The following PPP2R2B variants were observed in gnomAD, a reference collection of about 807,000 sequenced individuals.
The protein encoded by PPP2R2B is serine/threonine-protein phosphatase 2A 55 kDa regulatory subunit B beta isoform.
In PPP2R2B, 5 loss-of-function variants were observed where a neutral mutation model predicts 46.0. That is an observed-to-expected ratio of 0.11 (90% CI 0.06 to 0.23). PPP2R2B has a LOEUF of 0.23. Among genes scored for constraint, PPP2R2B ranks in the 10% least tolerant of loss-of-function variants. The probability of loss-of-function intolerance (pLI) is 1.00; values close to 1 mark genes in which losing one functional copy is unlikely to be tolerated. For missense variants in PPP2R2B, 367 were observed against 575.0 expected, an observed-to-expected ratio of 0.64 and a Z score of 3.70; for synonymous variants, 215 against 206.7, an observed-to-expected ratio of 1.04 and a Z score of -0.34.
chr5:146,748,056 C>T (rs1248763730), intron 2 of PPP2R2B, among the ~76,000 whole-genome samples: 1 of 152,170 alleles, frequency 6.6e-6, no homozygotes, highest in Non-Finnish European at 1.5e-5. Flanking sequence ...GAGCTCTTGG[C>T]CAAACATAGG....
At chr5:146,893,269 T>C (rs936729790) in intron 1 of PPP2R2B, among the ~76,000 whole-genome samples, 5 of 152,236 alleles carry the variant, frequency 3.3e-5, no homozygotes, top group Non-Finnish European at 7.3e-5. Context: ...CATTAATGAA[T>C]GCTTTCTTTG....
At chr5:146,624,642 T>G (rs1773920177) in intron 7 of PPP2R2B, among the ~76,000 whole-genome samples, 1 of 152,066 alleles carries the variant, frequency 6.6e-6, no homozygotes, top group Non-Finnish European at 1.5e-5. Context: ...TCAATCATCC[T>G]CTTTACACCA....
intron 4 of PPP2R2B, among the ~76,000 whole-genome samples, chr5:146,693,727 G>A (rs899134976): frequency 1.3e-5 from 2 of 152,320 alleles, no homozygotes; most frequent in African/African-American, 4.8e-5. Flanking sequence ...CTCTGATGAG[G>A]ATTAAATAAG....
chr5:146,750,024 C>G (rs1233448655), intron 2 of PPP2R2B, among the ~76,000 whole-genome samples: 1 of 152,100 alleles, frequency 6.6e-6, no homozygotes, highest in Non-Finnish European at 1.5e-5. Context: ...TGCACCAGTG[C>G]CATTTATTGA....
chr5:146,608,232 GTA>G (rs1772488144), intron 7 of PPP2R2B, among the ~76,000 whole-genome samples: 1 of 152,152 alleles, frequency 6.6e-6, no homozygotes. Context: ...CCTAGGACTG[GTA>G]GCACCATGAG....
chr5:147,077,738 A>T (rs985805264), intron 2 of PPP2R2B, among the ~76,000 whole-genome samples: 4 of 152,100 alleles, frequency 2.6e-5, no homozygotes, highest in African/African-American at 9.7e-5. Flanking sequence ...TCTTCTTTTT[A>T]AAAAGTTTCT....
At chr5:146,818,355 C>T (rs1431016476) in intron 2 of PPP2R2B, among the ~76,000 whole-genome samples, 1 of 144,088 alleles carries the variant, frequency 6.9e-6, no homozygotes, top group Non-Finnish European at 1.5e-5. Flanking sequence ...AAATTCACTG[C>T]AAAAAAAAAA....
At chr5:146,725,780 C>T (rs1247587200) in intron 2 of PPP2R2B, among the ~76,000 whole-genome samples, 2 of 152,172 alleles carry the variant, frequency 1.3e-5, no homozygotes, top group Non-Finnish European at 2.9e-5. Flanking sequence ...CCTGCATTTC[C>T]TGACATAGAA....
At chr5:146,768,125 G>T (rs1754605375) in intron 2 of PPP2R2B, among the ~76,000 whole-genome samples, 1 of 151,876 alleles carries the variant, frequency 6.6e-6, no homozygotes, top group Non-Finnish European at 1.5e-5. Flanking sequence ...CCAGGTTGGA[G>T]TGCAGTGGCA....
intron 2 of PPP2R2B, among the ~76,000 whole-genome samples, chr5:146,844,547 T>A (rs1759869100): frequency 6.6e-6 from 1 of 152,132 alleles, no homozygotes; most frequent in Non-Finnish European, 1.5e-5. Context: ...ACCATTTATC[T>A]GGAAAATCAG....
chr5:146,617,764 A>G (rs906706852), intron 7 of PPP2R2B, among the ~76,000 whole-genome samples: 2 of 148,992 alleles, frequency 1.3e-5, no homozygotes, highest in Non-Finnish European at 3.0e-5. Flanking sequence ...GCGCGATCTC[A>G]GCTCACTGCA....
In PPP2R2B at chr5:146,663,426, T is replaced by C. The variant is rs896299615; in HGVS notation, c.448-12702A>G. On this transcript the variant is annotated intron_variant, in intron 5 of 9. Transcript: ENST00000394411. ...CTGTTAAAATAACATATACATCTTT[T>C]AACTTAGTAAACCTTACTTTAATGA... Among the ~76,000 whole-genome samples the C allele has an allele frequency of 5.9e-5, 9 of 152,176 alleles. No individual in the cohort carries two copies. The East Asian group carries it at 1.7e-3, about 29-fold the overall frequency.
chr5:146,959,281 C>G (rs2151840683), intron 1 of PPP2R2B, among the ~76,000 whole-genome samples: 1 of 152,196 alleles, frequency 6.6e-6, no homozygotes, highest in East Asian at 1.9e-4. Context: ...TGTTTAATGA[C>G]CGATGTGTGT....
intron 1 of PPP2R2B, among the ~76,000 whole-genome samples, chr5:147,047,173 A>AG (rs1227199290): frequency 2.0e-5 from 3 of 152,022 alleles, no homozygotes; most frequent in Admixed American, 6.6e-5. Context: ...AGGGATAGGG[A>AG]GAGATTTGTT....
chr5:147,052,580 A>G (rs2151903430), intron 1 of PPP2R2B, among the ~76,000 whole-genome samples: 1 of 152,306 alleles, frequency 6.6e-6, no homozygotes, highest in Admixed American at 6.5e-5. Flanking sequence ...TAACAAGGCA[A>G]TGGGGCAGAA....
intron 1 of PPP2R2B, among the ~76,000 whole-genome samples, chr5:146,966,083 C>T (rs1405339570): frequency 1.3e-5 from 2 of 152,218 alleles, no homozygotes; most frequent in Non-Finnish European, 2.9e-5. Context: ...AGAAAATTGT[C>T]ACCATACCAA....
intron 1 of PPP2R2B, among the ~76,000 whole-genome samples, chr5:146,968,350 A>G (rs542638151): frequency 4.1e-4 from 62 of 152,310 alleles, no homozygotes; most frequent in Non-Finnish European, 6.9e-4. Flanking sequence ...TCTTGAATAT[A>G]CATTTGCTAA....
chr5:146,841,866 G>A (rs1282056584), intron 2 of PPP2R2B, among the ~76,000 whole-genome samples: 2 of 152,070 alleles, frequency 1.3e-5, no homozygotes, highest in African/African-American at 2.4e-5. Context: ...AACCACCATG[G>A]CACATGTATA....
intron 5 of PPP2R2B, among the ~76,000 whole-genome samples, chr5:146,651,395 C>A (rs768400193): frequency 6.6e-6 from 1 of 152,158 alleles, no homozygotes; most frequent in Non-Finnish European, 1.5e-5. Flanking sequence ...ATGATATGGT[C>A]ACCTTACTGA....
Sources: gnomAD v4.1 joint callset for allele counts (sites outside exome capture counted in the v4.1 genomes callset) on GRCh38, gnomAD v4.1.1 for gene constraint, MANE v1.5 for transcripts, NCBI Gene and HGNC (gene_info 2026-07-23, HGNC 2026-07-21) for gene names.